MAN2C1: variants seen among roughly 807,000 people sequenced by gnomAD.
MAN2C1 encodes mannosidase alpha class 2C member 1.
A neutral mutation model predicts 126.9 loss-of-function variants in MAN2C1; 111 were observed. The observed-to-expected ratio is 0.87, with a 90% CI of 0.75 to 1.02. The LOEUF is 1.02. Ranked by LOEUF, MAN2C1 falls within the 50% of genes least tolerant of loss-of-function variation. The pLI, the probability that MAN2C1 is intolerant of heterozygous loss-of-function variation, is 0.00. For synonymous variants in MAN2C1, 567 were observed against 561.5 expected, an observed-to-expected ratio of 1.01 and a Z score of -0.14; for missense variants, 1,363 against 1,364.4, an observed-to-expected ratio of 1.00 and a Z score of 0.02.
Position 75,364,093 on chromosome 15 carries a change from T to G in MAN2C1, c.696A>C (p.Pro232=). The G allele has an allele frequency of 6.2e-7, 1 of 1,614,174 alleles. No homozygotes were observed. The highest frequency in any genetic ancestry group is 8.5e-7 in the Non-Finnish European group (1 of 1,180,010). Residue 232 remains proline (P), a synonymous_variant, in exon 6 of 26, where the codon CCA becomes CCC. Coordinates refer to ENST00000267978, the MANE Select transcript of MAN2C1 (RefSeq NM_006715.4). ...ACCTGGAGGCCAGGGCCTGGGCCAC[T>G]GGGAAGGTCTCGGGCTGGGCAGGGT... ...VCDPAQPETF[P]VAQALASRFF...
Position 75,359,135 on chromosome 15 carries a change from G to C in MAN2C1, c.2065C>G (p.Leu689Val). Reference protein sequence around the residue: ...VVQETDGSVTLDNGIIRVKLD... With the variant: ...VVQETDGSVTVDNGIIRVKLD... Reference sequence around the variant, plus strand: ...TTCACTCGGATGATGCCATTGTCCAGAGTCACGGAGCCATCAGTCTTTGTG... The same window carrying C: ...TTCACTCGGATGATGCCATTGTCCACAGTCACGGAGCCATCAGTCTTTGTG... Residue 689 changes from leucine (L) to valine (V), a missense_variant, in exon 18 of 26, where the codon CTG becomes GTG. Coordinates refer to ENST00000267978, the MANE Select transcript of MAN2C1 (RefSeq NM_006715.4). 1.2e-6 allele frequency: 2 copies of C among 1,613,994 alleles called. No homozygotes were observed. The highest frequency in any genetic ancestry group is 1.7e-6 in the Non-Finnish European group (2 of 1,180,022).
Position 75,358,280 on chromosome 15 carries a change from T to G in MAN2C1, c.2468A>C (p.Gln823Pro), listed in dbSNP as rs1481864287. 5 of 1,614,034 alleles carry G rather than the reference T, an allele frequency of 3.1e-6. No homozygotes were observed. In the East Asian group the frequency reaches 6.7e-5, roughly 22 times the overall value. Residue 823 changes from glutamine (Q) to proline (P), a missense_variant, in exon 21 of 26, where the codon CAG becomes CCG. Around this residue, in one of 3 missense-constraint regions of MAN2C1, gnomAD observed 668 missense variants for 650.1 expected, o/e 1.03. Coordinates refer to ENST00000267978, the MANE Select transcript of MAN2C1 (RefSeq NM_006715.4). ...VEFPARVRSS[Q>P]ATYEIQFGHL... ...CCCAAACTGGATCTCATAGGTGGCC[T>G]GGGAACTCCGCACGCGAGCAGGGAA... is the stretch of plus-strand genomic sequence containing the variant.
chr15:75,363,103 C>T, intron 6 of MAN2C1: 1 of 437,428 alleles, frequency 2.3e-6, no homozygotes, highest in South Asian at 1.6e-5. Flanking sequence ...GGAACAGAGG[C>T]ATGGCTCCCA....
chr15:75,359,202 CAA>C, intron 17 of MAN2C1, 49 bp from the exon 18 acceptor site: 1 of 1,608,830 alleles, frequency 6.2e-7, no homozygotes. Context: ...CTTCCCACAC[CAA>C]AAGTCTTCCC....
intron 18 of MAN2C1, 39 bp downstream of exon 18, chr15:75,359,020 C>A: frequency 6.2e-7 from 1 of 1,610,138 alleles, no homozygotes; most frequent in Non-Finnish European, 8.5e-7. Flanking sequence ...CTGGGGTCTA[C>A]TTGCCAGGCA....
Position 75,359,755 on chromosome 15 carries a change from T to C in MAN2C1, c.1813A>G (p.Thr605Ala). The C allele has an allele frequency of 6.2e-7, 1 of 1,613,960 alleles. No homozygotes were observed. Among genetic ancestry groups the C allele is most frequent in the Non-Finnish European group, 8.5e-7 (1 of 1,180,024 alleles). ...HYEDIRSHGN[T>A]LLSAAAAALC... Reference sequence around the variant, plus strand: ...GCTGCGGCTGCAGCGCTGAGCAGTGTATTGCCATGGGAACGGATGTCTGAG... The same window carrying C: ...GCTGCGGCTGCAGCGCTGAGCAGTGCATTGCCATGGGAACGGATGTCTGAG... The change falls in exon 16 of 26, where the codon ACA becomes GCA. Residue 605 changes from threonine to alanine, a missense_variant. Around this residue, in one of 3 missense-constraint regions of MAN2C1, gnomAD observed 668 missense variants for 650.1 expected, o/e 1.03. Transcript: ENST00000267978.
At chr15:75,368,270 G>T in intron 1 of MAN2C1, 72 bp from the exon 2 acceptor site, 1 of 1,529,454 alleles carries the variant, frequency 6.5e-7, no homozygotes, top group East Asian at 2.4e-5. Context: ...CTGGCCGGTG[G>T]GGCCGCACTT....
At chr15:75,357,947 G>A (rs919139131) in intron 21 of MAN2C1, 64 of 440,282 alleles carry the variant, frequency 1.5e-4, no homozygotes, top group African/African-American at 7.8e-4. Context: ...TAGAGATGGC[G>A]TTTCACCATG....
Position 75,356,322 on chromosome 15 carries a change from G to T in MAN2C1, c.2865C>A (p.Val955=). 6.2e-7 allele frequency: 1 copy of T among 1,612,332 alleles called. No homozygotes were observed. The highest frequency in any genetic ancestry group is 8.5e-7 in the Non-Finnish European group (1 of 1,179,430). The change falls in exon 24 of 26, where the codon GTC becomes GTA. Residue 955 remains valine, a synonymous_variant. Transcript: ENST00000267978. This position sits in a 1 kb window ranked among gnomAD's most constrained non-coding sequence, Gnocchi z 5.8. The stretch of plus-strand genomic sequence containing the variant: ...TTGCCTGCTTGACGGTCTCCAATAC[G>T]ACCGCGGGTGAAGACACGGAAAACG... ...WSAFSVSSPA[V]VLETVKQAES...
intron 21 of MAN2C1, chr15:75,357,134 C>G (rs996366561): frequency 3.7e-6 from 2 of 539,598 alleles, no homozygotes; most frequent in African/African-American, 3.8e-5. Flanking sequence ...TCATGAGTAT[C>G]AAATTAAATG....
Position 75,364,568 on chromosome 15 carries a change from T to G in MAN2C1, c.520A>C (p.Ser174Arg), listed in dbSNP as rs1187676071. 2.0e-5 allele frequency: 32 copies of G among 1,612,564 alleles called. No homozygotes were observed. Among genetic ancestry groups the G allele is most frequent in the Non-Finnish European group, 2.5e-5 (30 of 1,179,404 alleles). ...TGGAACACAGCTAGCTCAGCCCGGC[T>G]CAGCTGGAACATCTTCTCAGGGTCA... Reference protein sequence around the residue: ...APDPEKMFQLSRAELAVFHRD... With the variant: ...APDPEKMFQLRRAELAVFHRD... The change falls in exon 5 of 26, where the codon AGC (serine) becomes CGC (arginine). Residue 174 changes from serine (S) to arginine (R), a missense_variant. This residue lies in a region of MAN2C1 where 628 missense variants were observed against 609.8 expected (regional missense o/e 1.03). Coordinates refer to ENST00000267978, the MANE Select transcript of MAN2C1 (RefSeq NM_006715.4).
At chr15:75,365,928 TA>T (rs750370269) in intron 4 of MAN2C1, 2,645 of 374,784 alleles carry the variant, frequency 7.1e-3, no homozygotes, top group East Asian at 0.011. Context: ...CTACCAAAAA[TA>T]AAAAAAAAAT....
chr15:75,368,537 C>A lies in MAN2C1; in HGVS notation c.47G>T (p.Arg16Leu), dbSNP rs779157187. 4 of 1,554,884 alleles carry A rather than the reference C, an allele frequency of 2.6e-6. No homozygotes were observed. The highest frequency in any genetic ancestry group is 2.4e-5 in the South Asian group (2 of 84,420). ...ALKHWRTTLE[R>L]VEKFVSPLYF... is the part of the protein sequence containing the mutation. ...GAGCGGCGACACGAACTTCTCCACCCGCTCCAGCGTGGTGCGCCAGTGCTT... is the reference window on the plus strand; with the variant it reads ...GAGCGGCGACACGAACTTCTCCACCAGCTCCAGCGTGGTGCGCCAGTGCTT... Residue 16 changes from arginine to leucine, a missense_variant, in exon 1 of 26, where the codon CGG becomes CTG. Arg to Leu is a moderately radical substitution (Grantham distance 102). Around this residue, in one of 3 missense-constraint regions of MAN2C1, gnomAD observed 628 missense variants for 609.8 expected, o/e 1.03. Transcript: ENST00000267978.
In MAN2C1 at chr15:75,356,008, G is replaced by T. The variant is rs538103458; in HGVS notation, c.3021C>A (p.Asp1007Glu). 7.1e-5 allele frequency: 114 copies of T among 1,613,938 alleles called. No individual in the cohort carries two copies. Among genetic ancestry groups the T allele is most frequent in the Middle Eastern group, 1.6e-4 (1 of 6,082 alleles). Residue 1007 changes from aspartate (D) to glutamate (E), a missense_variant, in exon 26 of 26, where the codon GAC (aspartate) becomes GAA (glutamate). Transcript: ENST00000267978. The surrounding 1 kb of genome is among the most constrained non-coding windows in gnomAD (Gnocchi z 5.8). ...CCCGAAGGGTCAAGTGGCCAGCAGG[G>T]TCTGGTCGCTCCAAGAGATCGCAGC... ...AILCDLLERP[D>E]PAGHLTLRDN...
chr15:75,361,559 G>A lies in MAN2C1; in HGVS notation c.1218+45C>T. The A allele has an allele frequency of 6.8e-7, 1 of 1,476,574 alleles. No homozygotes were observed. The allele number at this position is 1,476,574 out of a possible 1,614,324, so 91.5% of individuals were successfully genotyped here. A position where few individuals can be genotyped will look rare whatever the true frequency, so the allele number is the denominator to read the frequency against. The stretch of plus-strand genomic sequence containing the variant: ...GGGGGAGAGGCAAATGGGCCAGGCG[G>A]GACTGAGGCCCACTCTGACCCTGAC... On this transcript the variant is annotated intron_variant, in intron 10 of 25. Transcript: ENST00000267978. The surrounding 1 kb of genome is among the most constrained non-coding windows in gnomAD (Gnocchi z 5.0).
chr15:75,365,783 C>T (rs28387681), intron 4 of MAN2C1: 128 of 214,804 alleles, frequency 6.0e-4, no homozygotes, highest in African/African-American at 3.0e-3. Context: ...CGGAAAGATA[C>T]ACCAAGAACA....
chr15:75,361,678 G>A lies in MAN2C1; in HGVS notation c.1144C>T (p.Gln382Ter). 3 of 1,613,998 alleles carry A rather than the reference G, an allele frequency of 1.9e-6. No homozygotes were observed. Among genetic ancestry groups the A allele is most frequent in the South Asian group, 1.1e-5 (1 of 91,074 alleles). The change falls in exon 10 of 26, where the codon CAG (glutamine) becomes TAG (stop). Residue 382 changes from glutamine to a stop codon, truncating the protein, a stop_gained. Coordinates refer to ENST00000267978, the MANE Select transcript of MAN2C1 (RefSeq NM_006715.4). LOFTEE classifies it high-confidence loss of function. This position sits in a 1 kb window ranked among gnomAD's most constrained non-coding sequence, Gnocchi z 5.0. ...CTGATGCCACAGCCGTGCATGATCTGGGGGAGCTGTGCTGAGTAGCCAAAG... is the reference window on the plus strand; with the variant it reads ...CTGATGCCACAGCCGTGCATGATCTAGGGGAGCTGTGCTGAGTAGCCAAAG... ...DTFGYSAQLP[Q>*]IMHGCGIRRF...
Position 75,368,198 on chromosome 15 carries a change from C to A in MAN2C1, c.102G>T (p.Arg34Ser). 2 of 1,602,562 alleles carry A rather than the reference C, an allele frequency of 1.2e-6. No homozygotes were observed. Among genetic ancestry groups the A allele is most frequent in the Non-Finnish European group, 1.7e-6 (2 of 1,176,840 alleles). Residue 34 changes from arginine (R) to serine (S), a missense_variant and splice_region_variant, in exon 2 of 26, where the codon AGG (arginine) becomes AGT (serine). By Grantham distance (110) the Arg-to-Ser change is moderately radical (BLOSUM62 -1). Around this residue, in one of 3 missense-constraint regions of MAN2C1, gnomAD observed 628 missense variants for 609.8 expected, o/e 1.03. Coordinates refer to ENST00000267978, the MANE Select transcript of MAN2C1 (RefSeq NM_006715.4). ...LYFTDCNLRG[R>S]LFGASCPVAV... is the part of the protein sequence containing the mutation. ...CCACAGGGCAGCTGGCCCCAAAAAG[C>A]CTGCGTGGGACGGGCCGGTGGGCAC...
rs2072332035 is a variant in MAN2C1 at position 75,356,932 on chromosome 15, G to A, written c.2548-30C>T. ...AGGGCAGATCCAAGACCCACTTGGT[G>A]GCCCTGTGCCCCTCTTTGTGCTCCC... is the stretch of plus-strand genomic sequence containing the variant. On this transcript the variant is annotated intron_variant, in intron 21 of 25. Transcript: ENST00000267978. The surrounding 1 kb of genome is among the most constrained non-coding windows in gnomAD (Gnocchi z 5.8). The A allele has an allele frequency of 6.3e-7, 1 of 1,578,962 alleles. No homozygotes were observed. Among genetic ancestry groups the A allele is most frequent in the Non-Finnish European group, 8.7e-7 (1 of 1,148,596 alleles).
Sources: allele counts gnomAD v4.1 joint callset, GRCh38; gene constraint gnomAD v4.1.1; regional missense constraint gnomAD v4.1.1; non-coding constraint Gnocchi (gnomAD v3.1); transcripts MANE v1.5; gene names NCBI Gene and HGNC (gene_info 2026-07-23, HGNC 2026-07-21).